The following ZNF585A variants were observed in gnomAD, a reference collection of about 807,000 sequenced individuals.
The protein encoded by ZNF585A is zinc finger protein 585A.
ZNF585A carries 9 observed loss-of-function variants against 14.9 expected under a neutral mutation model. The observed-to-expected ratio is 0.60, with a 90% CI of 0.36 to 1.05. The LOEUF is 1.05. Among genes scored for constraint, ZNF585A ranks in the 50% least tolerant of loss-of-function variants. The pLI is 0.01. For missense variants in ZNF585A, 726 were observed against 926.4 expected, an observed-to-expected ratio of 0.78 and a Z score of 2.81; for synonymous variants, 276 against 319.9, an observed-to-expected ratio of 0.86 and a Z score of 1.46.
At chr19:37,169,758 CA>C (rs1462614990) in intron 2 of ZNF585A, 80 bp downstream of exon 2, 45 of 1,547,804 alleles carry the variant, frequency 2.9e-5, no homozygotes, top group Non-Finnish European at 3.9e-5. Context: ...CTCCCTCCCT[CA>C]GTCATGAGGT....
chr19:37,160,791 A>G (rs115920316), intron 2 of ZNF585A, among the ~76,000 whole-genome samples: 13,463 of 152,216 alleles, frequency 0.088, 988 homozygotes, highest in African/African-American at 0.2. Context: ...AATTAATTTA[A>G]ATTAATAATT....
chr19:37,163,581 G>T (rs1972043465), intron 2 of ZNF585A, among the ~76,000 whole-genome samples: 1 of 151,834 alleles, frequency 6.6e-6, no homozygotes, highest in African/African-American at 2.4e-5. Context: ...ATTTTTTAAA[G>T]AAAATAAGAG....
At chr19:37,160,164 C>G (rs1004659443) in intron 2 of ZNF585A, among the ~76,000 whole-genome samples, 8 of 151,756 alleles carry the variant, frequency 5.3e-5, no homozygotes, top group African/African-American at 1.9e-4. Flanking sequence ...AAAACCCCAT[C>G]TCCATCAATA....
Position 37,152,870 on chromosome 19 carries a change from T to G in ZNF585A, c.1029A>C (p.Thr343=), listed in dbSNP as rs151294162. The G allele has an allele frequency of 2.9e-4, 462 of 1,614,232 alleles. 4 individuals carry two copies. In the African/African-American group the frequency reaches 5.6e-3, roughly 20 times the overall value. Residue 343 remains threonine (T), a synonymous_variant, in exon 5 of 5, where the codon ACA becomes ACC. Coordinates refer to ENST00000292841, the MANE Select transcript of ZNF585A (RefSeq NM_001288800.2). The part of the protein sequence containing the change: ...KVFSNNSNLV[T]HKKVQSREKS... ...TCTCTCTACTTTGAACTTTCTTATGTGTAACGAGGTTGGAATTATTGCTGA... is the reference window on the plus strand; with the variant it reads ...TCTCTCTACTTTGAACTTTCTTATGGGTAACGAGGTTGGAATTATTGCTGA...
At chr19:37,169,089 C>T (rs758244653) in intron 2 of ZNF585A, among the ~76,000 whole-genome samples, 3 of 151,940 alleles carry the variant, frequency 2.0e-5, no homozygotes, top group Non-Finnish European at 2.9e-5. Context: ...TTATTTTTTA[C>T]TATTATTCCC....
At chr19:37,171,657 C>T (rs1385813225) in intron 1 of ZNF585A, among the ~76,000 whole-genome samples, 17 of 152,036 alleles carry the variant, frequency 1.1e-4, no homozygotes, top group Admixed American at 7.9e-4. Flanking sequence ...TCCCAGCACT[C>T]TGGGAGGCGG....
chr19:37,156,816 C>T (rs1400569544), intron 2 of ZNF585A, among the ~76,000 whole-genome samples: 4 of 152,160 alleles, frequency 2.6e-5, no homozygotes, highest in Non-Finnish European at 5.9e-5. Context: ...CTCAGCCTCC[C>T]GAGTAGCTGG....
intron 1 of ZNF585A, among the ~76,000 whole-genome samples, chr19:37,171,950 TA>T (rs1972189759): frequency 6.6e-6 from 1 of 151,434 alleles, no homozygotes; most frequent in African/African-American, 2.4e-5. Context: ...TTCACATATA[TA>T]AAGCAGAAAA....
rs1028781316 is a variant in ZNF585A, at chr19:37,151,620, A to G, written c.2279T>C (p.Val760Ala). The change falls in exon 5 of 5, where the codon GTG becomes GCG. Residue 760 changes from valine (V) to alanine (A), a missense_variant. This residue lies in a region of ZNF585A where 243 missense variants were observed against 383.6 expected (regional missense o/e 0.63). Coordinates refer to ENST00000292841, the MANE Select transcript of ZNF585A (RefSeq NM_001288800.2). The stretch of plus-strand genomic sequence containing the variant: ...GTGGCTGCTCTGATGGACGCTGAAC[A>G]CTGATTTCTGAACGAAGCCTTTCCC... ...ICGKGFVQKS[V>A]FSVHQSSHA is the part of the protein sequence containing the mutation. 3 of 1,613,818 alleles carry G rather than the reference A, an allele frequency of 1.9e-6. No individual in the cohort carries two copies. The highest frequency in any genetic ancestry group is 2.5e-6 in the Non-Finnish European group (3 of 1,179,906).
At chr19:37,160,260 G>A (rs1028335277) in intron 2 of ZNF585A, among the ~76,000 whole-genome samples, 1 of 151,562 alleles carries the variant, frequency 6.6e-6, no homozygotes, top group Non-Finnish European at 1.5e-5. Flanking sequence ...AGAATCACTT[G>A]AGCCTGGGAA....
intron 2 of ZNF585A, among the ~76,000 whole-genome samples, chr19:37,167,777 C>T (rs1599755995): frequency 6.6e-6 from 1 of 152,034 alleles, no homozygotes; most frequent in African/African-American, 2.4e-5. Flanking sequence ...CGTGGCACCA[C>T]GCACGGCTTA....
At chr19:37,164,855 T>C (rs796341218) in intron 2 of ZNF585A, among the ~76,000 whole-genome samples, 28 of 152,238 alleles carry the variant, frequency 1.8e-4, no homozygotes, top group African/African-American at 6.7e-4. Flanking sequence ...GTTTTTGTTG[T>C]AGAGACAGGG....
chr19:37,155,995 A>G, intron 3 of ZNF585A, 38 bp from the exon 4 acceptor site: 1 of 1,612,916 alleles, frequency 6.2e-7, no homozygotes, highest in Non-Finnish European at 8.5e-7. Flanking sequence ...GGTCCAGCTA[A>G]TTGTGTTTCA....
intron 4 of ZNF585A, 42 bp downstream of exon 4, chr19:37,155,823 C>T: frequency 6.3e-7 from 1 of 1,599,752 alleles, no homozygotes; most frequent in South Asian, 1.1e-5. Context: ...CTGAGATTTC[C>T]TCCCATCTCC....
Position 37,151,794 on chromosome 19 carries a change from T to G in ZNF585A, c.2105A>C (p.Lys702Thr), listed in dbSNP as rs1370143200. 20 of 1,613,420 alleles carry G rather than the reference T, an allele frequency of 1.2e-5. No homozygotes were observed. Among genetic ancestry groups the G allele is most frequent in the Non-Finnish European group, 1.6e-5 (19 of 1,179,760 alleles). The change falls in exon 5 of 5, where the codon AAA (lysine) becomes ACA (threonine). Residue 702 changes from lysine (K) to threonine (T), a missense_variant. Transcript: ENST00000292841. ...TCGCTGATGCACTTGGAGCTGTGATTTTTTAGTGAAAGACTTCCCACAGTC... is the reference window on the plus strand; with the variant it reads ...TCGCTGATGCACTTGGAGCTGTGATGTTTTAGTGAAAGACTTCCCACAGTC... ...CSDCGKSFTK[K>T]SQLQVHQRIH...
At chr19:37,170,500 T>C (rs973970030) in intron 1 of ZNF585A, among the ~76,000 whole-genome samples, 2 of 152,232 alleles carry the variant, frequency 1.3e-5, no homozygotes, top group Non-Finnish European at 2.9e-5. Context: ...TTCACTTTCT[T>C]TTGAGACGGA....
chr19:37,166,537 C>T (rs1211986302), intron 2 of ZNF585A, among the ~76,000 whole-genome samples: 1 of 151,850 alleles, frequency 6.6e-6, no homozygotes, highest in Non-Finnish European at 1.5e-5. Flanking sequence ...TGGTCTTGGT[C>T]TCCTGACCTC....
intron 2 of ZNF585A, among the ~76,000 whole-genome samples, chr19:37,159,950 A>C (rs1971988426): frequency 6.6e-6 from 1 of 152,204 alleles, no homozygotes; most frequent in African/African-American, 2.4e-5. Context: ...AGGTAAAGCA[A>C]GGCTGAGAGG....
chr19:37,155,732 C>A, intron 4 of ZNF585A, 133 bp downstream of exon 4: 1 of 931,586 alleles, frequency 1.1e-6, no homozygotes. Context: ...AAGGGGGCAT[C>A]AAGCAATACA....
Sources: gnomAD v4.1 joint callset for allele counts (sites outside exome capture counted in the v4.1 genomes callset) on GRCh38, gnomAD v4.1.1 for gene constraint, gnomAD v4.1.1 regional missense constraint, MANE v1.5 for transcripts, NCBI Gene and HGNC (gene_info 2026-07-23, HGNC 2026-07-21) for gene names.